The following FHIT variants were observed in gnomAD, a reference collection of about 807,000 sequenced individuals.
The protein encoded by FHIT is fragile histidine triad diadenosine triphosphatase.
A neutral mutation model predicts 17.9 loss-of-function variants in FHIT; 19 were observed. The observed-to-expected ratio is 1.06, with a 90% CI of 0.74 to 1.56. The LOEUF is 1.56. Among genes scored for constraint, FHIT ranks in the 40% most tolerant of loss-of-function variants. FHIT has a pLI of 0.00. For missense variants in FHIT, 248 were observed against 189.2 expected (o/e 1.31, Z -1.82); for synonymous variants, 81 against 69.7 (o/e 1.16, Z -0.81).
At chr3:59,932,784 C>A (rs1406745830) in intron 7 of FHIT, among the ~76,000 whole-genome samples, 1 of 152,100 alleles carries the variant, frequency 6.6e-6, no homozygotes, top group Non-Finnish European at 1.5e-5. Flanking sequence ...GTGGCTTCTT[C>A]CATTTTCCTT....
chr3:60,380,688 C>CTT (rs1299767606), intron 5 of FHIT, among the ~76,000 whole-genome samples: 4 of 152,150 alleles, frequency 2.6e-5, no homozygotes, highest in Admixed American at 2.6e-4. Context: ...TATTTTCCAT[C>CTT]TTTTCAGACC....
At chr3:60,791,795 G>A (rs1700785875) in intron 4 of FHIT, among the ~76,000 whole-genome samples, 1 of 152,188 alleles carries the variant, frequency 6.6e-6, no homozygotes, top group African/African-American at 2.4e-5. Context: ...CCCCAGTTAA[G>A]CCCCACTTTT....
At chr3:60,475,348 A>G (rs1034426570) in intron 5 of FHIT, among the ~76,000 whole-genome samples, 4 of 152,246 alleles carry the variant, frequency 2.6e-5, no homozygotes, top group African/African-American at 9.6e-5. Flanking sequence ...TTTGAAAAAC[A>G]TTCTTTCCCT....
intron 2 of FHIT, among the ~76,000 whole-genome samples, chr3:61,140,035 A>AGAT (rs1553852111): frequency 6.6e-6 from 1 of 151,876 alleles, no homozygotes; most frequent in African/African-American, 2.4e-5. Context: ...AAAAAAAAAA[A>AGAT]AAATAAGAAA....
At chr3:60,629,400 C>A (rs955199217) in intron 4 of FHIT, among the ~76,000 whole-genome samples, 1 of 152,148 alleles carries the variant, frequency 6.6e-6, no homozygotes, top group Non-Finnish European at 1.5e-5. Flanking sequence ...TTTCCAGAGA[C>A]TTTAAATGAG....
intron 4 of FHIT, among the ~76,000 whole-genome samples, chr3:60,813,144 T>C (rs1348063228): frequency 6.6e-6 from 1 of 151,252 alleles, no homozygotes; most frequent in Non-Finnish European, 1.5e-5. Flanking sequence ...CATGAGTGAG[T>C]TATTATAAAA....
At chr3:60,152,038 G>T (rs1420756625) in intron 5 of FHIT, among the ~76,000 whole-genome samples, 1 of 152,078 alleles carries the variant, frequency 6.6e-6, no homozygotes, top group African/African-American at 2.4e-5. Flanking sequence ...TAAATTTCTG[G>T]TGAATAAATG....
At chr3:60,939,433 G>A (rs1366591220) in intron 3 of FHIT, among the ~76,000 whole-genome samples, 4 of 151,990 alleles carry the variant, frequency 2.6e-5, no homozygotes, top group African/African-American at 7.2e-5. Flanking sequence ...ACAGAAAAAG[G>A]TTGCCAACCC....
chr3:60,461,104 C>G (rs957100697), intron 5 of FHIT, among the ~76,000 whole-genome samples: 1 of 152,188 alleles, frequency 6.6e-6, no homozygotes, highest in East Asian at 1.9e-4. Flanking sequence ...ACTATGGTAA[C>G]TAATAAAAAT....
chr3:61,226,550 G>A (rs1009251513), intron 1 of FHIT, among the ~76,000 whole-genome samples: 2 of 152,026 alleles, frequency 1.3e-5, no homozygotes, highest in African/African-American at 4.8e-5. Flanking sequence ...AGAACCCACA[G>A]CAATGAGATA....
intron 8 of FHIT, among the ~76,000 whole-genome samples, chr3:59,877,799 T>C (rs1321456463): frequency 6.6e-6 from 1 of 152,188 alleles, no homozygotes; most frequent in African/African-American, 2.4e-5. Context: ...GCCATCAAAA[T>C]GACAAATTCA....
At chr3:60,667,141 G>T (rs2040400944) in intron 4 of FHIT, among the ~76,000 whole-genome samples, 1 of 144,508 alleles carries the variant, frequency 6.9e-6, no homozygotes, top group South Asian at 2.2e-4. Flanking sequence ...AAAATGCTGA[G>T]ATTACAGGCA....
At chr3:59,930,672 C>T (rs1705927028) in intron 7 of FHIT, among the ~76,000 whole-genome samples, 1 of 152,102 alleles carries the variant, frequency 6.6e-6, no homozygotes, top group Admixed American at 6.6e-5. Flanking sequence ...GAATTTATTA[C>T]TAAAACAAAC....
At chr3:60,402,002 T>C (rs1339747462) in intron 5 of FHIT, among the ~76,000 whole-genome samples, 1 of 152,104 alleles carries the variant, frequency 6.6e-6, no homozygotes, top group Non-Finnish European at 1.5e-5. Flanking sequence ...GGTCAGTCTG[T>C]CACTTCCATG....
At chr3:60,505,039 G>C (rs1197439781) in intron 5 of FHIT, among the ~76,000 whole-genome samples, 1 of 151,932 alleles carries the variant, frequency 6.6e-6, no homozygotes, top group African/African-American at 2.4e-5. Flanking sequence ...CACCCCAAAA[G>C]TTTTGTCAGA....
At chr3:61,081,612 C>T (rs1245940298) in intron 2 of FHIT, among the ~76,000 whole-genome samples, 1 of 152,194 alleles carries the variant, frequency 6.6e-6, no homozygotes, top group African/African-American at 2.4e-5. Flanking sequence ...CTGGTAGAAT[C>T]CTTCCTTGCC....
At chr3:60,829,707 A>G (rs1178869229) in intron 3 of FHIT, among the ~76,000 whole-genome samples, 1 of 151,392 alleles carries the variant, frequency 6.6e-6, no homozygotes, top group Non-Finnish European at 1.5e-5. Flanking sequence ...TGGATGAAGA[A>G]TATAAAGCTT....
At chr3:60,112,694 C>G (rs548821514) in intron 5 of FHIT, among the ~76,000 whole-genome samples, 2 of 152,266 alleles carry the variant, frequency 1.3e-5, no homozygotes, top group East Asian at 1.9e-4. Context: ...ACAACTTTAA[C>G]TTGAATGAGG....
intron 5 of FHIT, among the ~76,000 whole-genome samples, chr3:60,118,928 G>A (rs1244116880): frequency 5.3e-5 from 8 of 150,968 alleles, no homozygotes; most frequent in African/African-American, 1.9e-4. Flanking sequence ...GGCTGAGGCA[G>A]AAGAATCACT....
Sources: gnomAD v4.1 joint callset for allele counts (sites outside exome capture counted in the v4.1 genomes callset) on GRCh38, gnomAD v4.1.1 for gene constraint, MANE v1.5 for transcripts, NCBI Gene and HGNC (gene_info 2026-07-23, HGNC 2026-07-21) for gene names.